Variants in GARS1 observed in about 807,000 individuals in gnomAD.
GARS1 encodes the protein glycyl-tRNA synthetase 1.
A neutral mutation model predicts 86.4 loss-of-function variants in GARS1; 46 were observed. The observed-to-expected ratio is 0.53, with a 90% CI of 0.42 to 0.68. The LOEUF is 0.68. GARS1 is among the 30% of genes least tolerant of loss of function. GARS1 has a pLI of 0.00. For missense variants in GARS1, 797 were observed against 915.6 expected (o/e 0.87, Z 1.67); for synonymous variants, 342 against 329.8 (o/e 1.04, Z -0.40).
At chr7:30,626,843 T>C (rs1783139746) in intron 13 of GARS1, among the ~76,000 whole-genome samples, 1 of 152,222 alleles carries the variant, frequency 6.6e-6, no homozygotes, top group South Asian at 2.1e-4. Flanking sequence ...TAGCTAGGCA[T>C]GGAGACACGC....
At chr7:30,626,342 CA>C (rs1180700458) in intron 13 of GARS1, 23 bp downstream of exon 13, 1 of 1,334,318 alleles carries the variant, frequency 7.5e-7, no homozygotes, top group Non-Finnish European at 1.1e-6. Flanking sequence ...AAATAATAAA[CA>C]AAAAGTCACT....
Position 30,621,398 on chromosome 7 carries a change from G to C in GARS1, c.1365G>C (p.Trp455Cys), listed in dbSNP as rs1783003299. 6.2e-7 allele frequency: 1 copy of C among 1,613,680 alleles called. No individual in the cohort carries two copies. The highest frequency in any genetic ancestry group is 1.3e-5 in the African/African-American group (1 of 74,920). ...TATTGATTATATCTTTTTAGGGTTG[G>C]ATTGAGATTGTTGGATGTGCTGATC... ...WDAESKTSYG[W>C]IEIVGCADRS... The change falls in exon 11 of 17, where the codon TGG (tryptophan) becomes TGC (cysteine). Residue 455 changes from tryptophan (W) to cysteine (C), a missense_variant. Trp to Cys is a radical substitution (Grantham distance 215). Transcript: ENST00000389266.
chr7:30,624,687 T>C (rs1240489672), intron 12 of GARS1, among the ~76,000 whole-genome samples: 3 of 152,042 alleles, frequency 2.0e-5, no homozygotes, highest in Non-Finnish European at 4.4e-5. Context: ...AGAAAAAATA[T>C]TCCACAAGAA....
chr7:30,633,849 A>G lies in GARS1; in HGVS notation c.2209A>G (p.Ile737Val), dbSNP rs770378030. The G allele has an allele frequency of 3.7e-6, 6 of 1,611,892 alleles. No homozygotes were observed. The highest frequency in any genetic ancestry group is 1.7e-5 in the Admixed American group (1 of 59,914). ...EGQETGKKETIEE is the reference protein window; with the variant it reads ...EGQETGKKETVEE ...GCAAGAGACTGGTAAAAAAGAGACA[A>G]TCGAGGAATGAGGACAATTTTGACA... The change falls in exon 17 of 17, where the codon ATC becomes GTC. Residue 737 changes from isoleucine to valine, a missense_variant. Physicochemically the swap from Ile to Val is conservative, Grantham distance 29. Around this residue, in one of 2 missense-constraint regions of GARS1, gnomAD observed 598 missense variants for 738.7 expected, o/e 0.81. Transcript: ENST00000389266.
In GARS1 at chr7:30,600,988, C is replaced by T. The variant is rs570753336; in HGVS notation, c.428-71C>T. The T allele has an allele frequency of 9.0e-6, 13 of 1,440,800 alleles. No individual in the cohort carries two copies. The East Asian group carries it at 2.7e-4, about 30-fold the overall frequency. 89.3% of individuals were successfully genotyped at this position (1,440,800 alleles called of 1,614,324 possible). A position where few individuals can be genotyped will look rare whatever the true frequency, so the allele number is the denominator to read the frequency against. On this transcript the variant is annotated intron_variant, in intron 3 of 16. Coordinates refer to ENST00000389266, the MANE Select transcript of GARS1 (RefSeq NM_002047.4). ...TTTTAGGGAGTATAGGTATCAGTTT[C>T]TCATGTCTCCTTGCCTTCATTTGTT...
chr7:30,600,858 T>C (rs1363223698), intron 3 of GARS1, among the ~76,000 whole-genome samples: 3 of 152,214 alleles, frequency 2.0e-5, no homozygotes, highest in African/African-American at 7.2e-5. Context: ...ATTACAAATA[T>C]AGAATTAGTA....
chr7:30,621,121 C>G (rs1782996269), intron 10 of GARS1, among the ~76,000 whole-genome samples: 1 of 149,722 alleles, frequency 6.7e-6, no homozygotes, highest in Admixed American at 6.7e-5. Context: ...CTCCTGGCCT[C>G]AAGTGATCCT....
In GARS1 at chr7:30,626,227, T is replaced by C. The variant is rs1783124139; in HGVS notation, c.1614-7T>C. The C allele has an allele frequency of 3.8e-6, 6 of 1,587,614 alleles. No homozygotes were observed. The highest frequency in any genetic ancestry group is 5.2e-6 in the Non-Finnish European group (6 of 1,156,448). ...ACTAATACAAAATGTGTTTTGTTTC[T>C]TCGTAGGGAATTCACAATTGAAACT... is the stretch of plus-strand genomic sequence containing the variant. On this transcript the variant is annotated splice_polypyrimidine_tract_variant and splice_region_variant and intron_variant, in intron 12 of 16. Coordinates refer to ENST00000389266, the MANE Select transcript of GARS1 (RefSeq NM_002047.4).
chr7:30,611,288 T>G (rs1791592770), intron 7 of GARS1, among the ~76,000 whole-genome samples: 1 of 152,196 alleles, frequency 6.6e-6, no homozygotes, highest in Non-Finnish European at 1.5e-5. Flanking sequence ...TAGTGATAAG[T>G]GAGTGCTGAT....
In GARS1 at chr7:30,617,092, G is replaced by T. The variant is rs527885667; in HGVS notation, c.1195-22G>T. 6 of 1,613,236 alleles carry T rather than the reference G, an allele frequency of 3.7e-6. 1 individual carries two copies. The South Asian group carries it at 6.6e-5, about 18-fold the overall frequency. On this transcript the variant is annotated intron_variant, in intron 9 of 16. Coordinates refer to ENST00000389266, the MANE Select transcript of GARS1 (RefSeq NM_002047.4). ...TGTGTGTTTTCTTTTCTTCCTCCAT[G>T]CTTGCTTATTGGTTGGTTTAGGGTG...
chr7:30,598,677 C>G, intron 1 of GARS1, 119 bp from the exon 2 acceptor site: 1 of 809,432 alleles, frequency 1.2e-6, no homozygotes, highest in Non-Finnish European at 2.1e-6. Flanking sequence ...AGCCACCACG[C>G]TTGGCCTGAA....
upstream of GARS1, chr7:30,594,769 T>G (rs902970712): frequency 1.4e-5 from 9 of 646,638 alleles, no homozygotes; most frequent in Non-Finnish European, 2.4e-5. Flanking sequence ...GTGTCGAATC[T>G]GCGGCGGCGA....
chr7:30,620,545 G>A (rs1307974045), intron 10 of GARS1, among the ~76,000 whole-genome samples: 1 of 152,230 alleles, frequency 6.6e-6, no homozygotes, highest in Admixed American at 6.5e-5. Context: ...TTCAATATAC[G>A]AATTTTGTCA....
At chr7:30,612,348 T>C in intron 8 of GARS1, 103 bp downstream of exon 8, 4 of 1,104,830 alleles carry the variant, frequency 3.6e-6, no homozygotes, top group South Asian at 1.3e-5. Flanking sequence ...ATCCTGATTA[T>C]GAATTTATTT....
chr7:30,594,970 C>T lies in GARS1; in HGVS notation c.49C>T (p.Leu17=), dbSNP rs1197825836. The part of the protein sequence containing the change: ...VLLRGARAAL[L]LLLPPRLLAR... ...GCTTAGAGGTGCTCGCGCCGCTCTG[C>T]TGCTGCTGCTGCCGCCCCGGCTCTT... Residue 17 remains leucine (L), a synonymous_variant, in exon 1 of 17, where the codon CTG becomes TTG. Coordinates refer to ENST00000389266, the MANE Select transcript of GARS1 (RefSeq NM_002047.4). 1.3e-6 allele frequency: 2 copies of T among 1,594,872 alleles called. No homozygotes were observed. Among genetic ancestry groups the T allele is most frequent in the Non-Finnish European group, 1.7e-6 (2 of 1,178,100 alleles).
intron 10 of GARS1, among the ~76,000 whole-genome samples, chr7:30,620,387 G>C (rs944679340): frequency 6.6e-6 from 1 of 152,102 alleles, no homozygotes; most frequent in African/African-American, 2.4e-5. Context: ...GTCGCATACT[G>C]CCAACTTCTT....
intron 1 of GARS1, among the ~76,000 whole-genome samples, chr7:30,597,014 C>G (rs1295654135): frequency 2.0e-5 from 3 of 152,168 alleles, no homozygotes; most frequent in African/African-American, 4.8e-5. Flanking sequence ...GAGTTTGTCA[C>G]TTTAAGAAAA....
intron 10 of GARS1, among the ~76,000 whole-genome samples, chr7:30,618,073 T>C (rs1584040319): frequency 1.3e-5 from 2 of 152,114 alleles, no homozygotes; most frequent in Non-Finnish European, 2.9e-5. Flanking sequence ...TTTTTATGGA[T>C]TTTTAAAAAT....
intron 1 of GARS1, among the ~76,000 whole-genome samples, chr7:30,598,170 C>G (rs1392039312): frequency 1.3e-5 from 2 of 151,944 alleles, no homozygotes; most frequent in African/African-American, 4.8e-5. Flanking sequence ...CTTCTGTGTT[C>G]TCAGTACAAA....
Sources: allele counts gnomAD v4.1 joint callset (sites outside exome capture counted in the v4.1 genomes callset), GRCh38; gene constraint gnomAD v4.1.1; regional missense constraint gnomAD v4.1.1; transcripts MANE v1.5; gene names NCBI Gene and HGNC (gene_info 2026-07-23, HGNC 2026-07-21).